Variants in DIAPH3 observed in about 807,000 individuals in gnomAD.
DIAPH3 encodes the protein protein diaphanous homolog 3.
In DIAPH3, 117 loss-of-function variants were observed where a neutral mutation model predicts 144.3. That is an observed-to-expected ratio of 0.81 (90% CI 0.70 to 0.95). The LOEUF (loss-of-function observed/expected upper bound fraction) is 0.95, where lower values mean the gene tolerates loss of function less well. DIAPH3 is among the 40% of genes least tolerant of loss of function. The pLI is 0.00. For missense variants in DIAPH3, 1,421 were observed against 1,412.7 expected, an observed-to-expected ratio of 1.01 and a Z score of -0.09; for synonymous variants, 519 against 488.9, an observed-to-expected ratio of 1.06 and a Z score of -0.81.
chr13:60,073,873 T>G (rs1219396060), intron 4 of DIAPH3, among the ~76,000 whole-genome samples: 1 of 152,242 alleles, frequency 6.6e-6, no homozygotes, highest in Non-Finnish European at 1.5e-5. Context: ...TCTGCTGATT[T>G]GTTTTTATTT....
intron 22 of DIAPH3, among the ~76,000 whole-genome samples, chr13:59,845,474 T>C (rs1464070015): frequency 6.6e-6 from 1 of 152,206 alleles, no homozygotes; most frequent in Non-Finnish European, 1.5e-5. Flanking sequence ...GCCCCTTTCC[T>C]GTTCAATGCA....
At chr13:59,772,584 A>G (rs2038178791) in intron 27 of DIAPH3, among the ~76,000 whole-genome samples, 1 of 152,128 alleles carries the variant, frequency 6.6e-6, no homozygotes, top group Non-Finnish European at 1.5e-5. Context: ...ACGTAATTGT[A>G]TCTGAGCCAT....
At chr13:59,962,001 T>C (rs2049792065) in intron 17 of DIAPH3, among the ~76,000 whole-genome samples, 1 of 152,164 alleles carries the variant, frequency 6.6e-6, no homozygotes, top group African/African-American at 2.4e-5. Flanking sequence ...GATTCAAAAA[T>C]GGACAGTCTG....
intron 20 of DIAPH3, among the ~76,000 whole-genome samples, chr13:59,890,543 C>T (rs75996717): frequency 2.6e-5 from 4 of 151,518 alleles, no homozygotes; most frequent in Admixed American, 6.6e-5. Context: ...TTGATGTCAA[C>T]GTAATTTTTA....
chr13:60,148,855 C>T (rs1337556729), intron 1 of DIAPH3, among the ~76,000 whole-genome samples: 4 of 152,216 alleles, frequency 2.6e-5, no homozygotes, highest in Admixed American at 1.3e-4. Flanking sequence ...ATGAACTCCC[C>T]AGCAACACTG....
At chr13:59,671,584 T>C (rs1271771202) in intron 27 of DIAPH3, among the ~76,000 whole-genome samples, 1 of 152,188 alleles carries the variant, frequency 6.6e-6, no homozygotes, top group Admixed American at 6.5e-5. Flanking sequence ...CTGTTGATTG[T>C]AGTACTGATA....
intron 24 of DIAPH3, among the ~76,000 whole-genome samples, chr13:59,828,013 A>G (rs986546653): frequency 1.3e-5 from 2 of 152,066 alleles, no homozygotes; most frequent in African/African-American, 4.8e-5. Context: ...AAAACCAGTC[A>G]CAAATAGAAA....
intron 22 of DIAPH3, among the ~76,000 whole-genome samples, chr13:59,850,783 G>A (rs1265443997): frequency 6.7e-6 from 1 of 149,560 alleles, no homozygotes; most frequent in East Asian, 2.0e-4. Flanking sequence ...TAGAAGAAAT[G>A]GATACATTCC....
At chr13:59,966,045 G>C (rs991619609) in intron 17 of DIAPH3, among the ~76,000 whole-genome samples, 2 of 152,084 alleles carry the variant, frequency 1.3e-5, no homozygotes, top group African/African-American at 4.8e-5. Context: ...ACTTACAACA[G>C]AGAGAATCAA....
chr13:59,803,193 T>C (rs951417879), intron 25 of DIAPH3, among the ~76,000 whole-genome samples: 1 of 152,282 alleles, frequency 6.6e-6, no homozygotes, highest in East Asian at 1.9e-4. Flanking sequence ...GTTTTCCACA[T>C]TGTGATAAGA....
intron 2 of DIAPH3, among the ~76,000 whole-genome samples, chr13:60,113,108 C>T (rs2058613819): frequency 2.0e-5 from 3 of 152,108 alleles, no homozygotes; most frequent in South Asian, 4.1e-4. Context: ...ACCACGTATA[C>T]TGTATATAAA....
At chr13:60,131,657 A>C (rs2059146300) in intron 2 of DIAPH3, among the ~76,000 whole-genome samples, 1 of 152,108 alleles carries the variant, frequency 6.6e-6, no homozygotes, top group Non-Finnish European at 1.5e-5. Context: ...ACAGAGAGGG[A>C]TTATTTATGA....
chr13:59,930,283 C>A (rs2140327337), intron 17 of DIAPH3, among the ~76,000 whole-genome samples: 1 of 152,164 alleles, frequency 6.6e-6, no homozygotes, highest in South Asian at 2.1e-4. Flanking sequence ...AAATTCCTTG[C>A]CTCAAAGAAT....
At chr13:59,917,458 C>G (rs2047275974) in intron 18 of DIAPH3, among the ~76,000 whole-genome samples, 2 of 152,128 alleles carry the variant, frequency 1.3e-5, no homozygotes, top group South Asian at 4.1e-4. Context: ...ACAAGGGCAT[C>G]ATCTGTATTC....
intron 10 of DIAPH3, 38 bp from the exon 11 acceptor site, chr13:59,992,224 G>GC: frequency 6.6e-7 from 1 of 1,514,080 alleles, no homozygotes; most frequent in Non-Finnish European, 9.1e-7. Context: ...GAATGATTTT[G>GC]TTTTTAATTA....
intron 18 of DIAPH3, among the ~76,000 whole-genome samples, chr13:59,920,049 T>C (rs2047432845): frequency 6.6e-6 from 1 of 151,920 alleles, no homozygotes; most frequent in African/African-American, 2.4e-5. Flanking sequence ...ATACTAAATG[T>C]ACTACAAATT....
intron 5 of DIAPH3, among the ~76,000 whole-genome samples, chr13:60,040,723 C>A (rs1265382739): frequency 1.3e-5 from 2 of 152,100 alleles, no homozygotes; most frequent in Admixed American, 6.5e-5. Flanking sequence ...CCAGTCAACA[C>A]CCCCAATACC....
chr13:59,765,379 T>G (rs2037818534), intron 27 of DIAPH3, among the ~76,000 whole-genome samples: 1 of 152,142 alleles, frequency 6.6e-6, no homozygotes, highest in Non-Finnish European at 1.5e-5. Context: ...ATTTATTGAG[T>G]AGCTACTCAA....
At chr13:60,023,006 A>G (rs1451596722) in intron 5 of DIAPH3, among the ~76,000 whole-genome samples, 2 of 152,080 alleles carry the variant, frequency 1.3e-5, no homozygotes, top group African/African-American at 4.8e-5. Context: ...GTTTTGTTCT[A>G]TCTTGGTACT....
Sources: gnomAD v4.1 joint callset for allele counts (sites outside exome capture counted in the v4.1 genomes callset) on GRCh38, gnomAD v4.1.1 for gene constraint, MANE v1.5 for transcripts, NCBI Gene and HGNC (gene_info 2026-07-23, HGNC 2026-07-21) for gene names.